The following PRRC2B variants were observed in gnomAD, a reference collection of about 807,000 sequenced individuals.
PRRC2B encodes proline rich coiled-coil 2B.
Under a neutral mutation model 242.3 loss-of-function variants are expected in PRRC2B, and 68 were observed. The observed-to-expected ratio is 0.28, with a 90% CI of 0.23 to 0.34. The LOEUF (loss-of-function observed/expected upper bound fraction) is 0.34, where lower values mean the gene tolerates loss of function less well. Ranked by LOEUF, PRRC2B falls within the 10% of genes least tolerant of loss-of-function variation. PRRC2B has a pLI of 1.00. For synonymous variants in PRRC2B, 1,228 were observed against 1,173.6 expected (o/e 1.05, Z -0.95); for missense variants, 2,835 against 2,954.8 (o/e 0.96, Z 0.94).
In PRRC2B at chr9:131,473,542, C is replaced by T. The variant is rs1220251560; in HGVS notation, c.2142C>T (p.Leu714=). ...AGCCCATGATGCCCCAGGAGTCCCT[C>T]AATGGGACAGGCTGTCGCTCTGAGG... ...LMKPMMPQES[L]NGTGCRSEDQ... The change falls in exon 15 of 32, where the codon CTC becomes CTT. Residue 714 remains leucine, a synonymous_variant. Transcript: ENST00000683519. The T allele has an allele frequency of 1.2e-6, 2 of 1,608,228 alleles. No homozygotes were observed. Among genetic ancestry groups the T allele is most frequent in the Non-Finnish European group, 1.7e-6 (2 of 1,177,400 alleles).
In PRRC2B at chr9:131,477,754, G is replaced by A. The variant is rs192404714; in HGVS notation, c.4417G>A (p.Glu1473Lys). Residue 1473 changes from glutamate (E) to lysine (K), a missense_variant, in exon 17 of 32, where the codon GAG becomes AAG. Physicochemically the swap from Glu to Lys is moderately conservative, Grantham distance 56 (BLOSUM62 1). Coordinates refer to ENST00000683519, the MANE Select transcript of PRRC2B (RefSeq NM_013318.4). The stretch of plus-strand genomic sequence containing the variant: ...CTCTTTCCCTTACAGATCCCCAGAC[G>A]AGGCCTTGCCTGGAGGTCTTAGTGG... ...TPLKVKRSPDEALPGGLSGCS... is the reference protein window; with the variant it reads ...TPLKVKRSPDKALPGGLSGCS... The A allele has an allele frequency of 2.5e-3, 3,995 of 1,601,892 alleles. 11 individuals are homozygous for A. The highest frequency in any genetic ancestry group is 3.2e-3 in the Non-Finnish European group (3,730 of 1,172,982).
intron 1 of PRRC2B, among the ~76,000 whole-genome samples, chr9:131,429,753 T>G (rs1838073189): frequency 1.3e-5 from 2 of 152,188 alleles, no homozygotes; most frequent in African/African-American, 4.8e-5. Context: ...GAGCTGTCCT[T>G]GACTTGGAGA....
intron 1 of PRRC2B, among the ~76,000 whole-genome samples, chr9:131,384,329 C>T (rs1836801903): frequency 1.3e-5 from 2 of 151,744 alleles, no homozygotes; most frequent in Non-Finnish European, 2.9e-5. Flanking sequence ...GTCACCCAGG[C>T]TTAAGTGTGG....
chr9:131,424,584 G>T (rs1044656616), intron 1 of PRRC2B, among the ~76,000 whole-genome samples: 1 of 152,120 alleles, frequency 6.6e-6, no homozygotes, highest in Non-Finnish European at 1.5e-5. Context: ...TACTCGGGAG[G>T]CTGAGGCTGG....
chr9:131,464,130 C>T (rs189110587), intron 11 of PRRC2B, among the ~76,000 whole-genome samples: 1,539 of 152,114 alleles, frequency 0.01, 23 homozygotes, highest in Middle Eastern at 0.014. Flanking sequence ...TTAGTAGAGA[C>T]GGTGTTTCAC....
In PRRC2B at chr9:131,481,755, T is replaced by G. The variant is rs748563925; in HGVS notation, c.4930T>G (p.Ser1644Ala). ...CCCTGTGCAGGCCCCAGCCAACGAC[T>G]CCTGGAGGAAAGCTGTCACTGCCTT... Reference protein sequence around the residue: ...ALPVQAPANDSWRKAVTAFSS... With the variant: ...ALPVQAPANDAWRKAVTAFSS... The change falls in exon 20 of 32, where the codon TCC (serine) becomes GCC (alanine). Residue 1644 changes from serine (S) to alanine (A), a missense_variant. Ser to Ala is a moderately conservative substitution (Grantham distance 99). Around this residue, in one of 7 missense-constraint regions of PRRC2B, gnomAD observed 1,536 missense variants for 1,483.1 expected, o/e 1.04. Coordinates refer to ENST00000683519, the MANE Select transcript of PRRC2B (RefSeq NM_013318.4). The G allele has an allele frequency of 1.3e-6, 2 of 1,566,446 alleles. No individual in the cohort carries two copies. The highest frequency in any genetic ancestry group is 1.7e-6 in the Non-Finnish European group (2 of 1,156,446).
rs183948005 is a variant in PRRC2B, at chr9:131,466,825, G to A, written c.1721-738G>A. On this transcript the variant is annotated intron_variant, in intron 12 of 31. Coordinates refer to ENST00000683519, the MANE Select transcript of PRRC2B (RefSeq NM_013318.4). ...TTTTTTTCTTTTTTTTTTTGGAGACGGATTCTCACTCTGTCGCCCAGGCTG... is the reference window on the plus strand; with the variant it reads ...TTTTTTTCTTTTTTTTTTTGGAGACAGATTCTCACTCTGTCGCCCAGGCTG... Among the ~76,000 whole-genome samples, 406 of 149,194 alleles carry A rather than the reference G, an allele frequency of 2.7e-3. 5 individuals carry two copies. The Middle Eastern group carries it at 0.029, about 10-fold the overall frequency.
intron 9 of PRRC2B, among the ~76,000 whole-genome samples, 179 bp from the exon 10 acceptor site, chr9:131,454,890 TCGCAAAG>T (rs1943026020): frequency 2.0e-5 from 3 of 149,242 alleles, no homozygotes; most frequent in Admixed American, 2.0e-4. Context: ...CACCTCAGCC[TCGCAAAG>T]TACTGGGATT....
chr9:131,479,460 G>C, intron 19 of PRRC2B, 67 bp downstream of exon 19: 1 of 1,502,976 alleles, frequency 6.7e-7, no homozygotes, highest in East Asian at 2.3e-5. Flanking sequence ...GTTTGCTTCT[G>C]GGGAGGATCC....
chr9:131,448,543 C>CAAAAAAAAAAAAAAAAAACAAAAA lies in PRRC2B; in HGVS notation c.1120+757_1120+758insCAAAAAAAAAAAAAAAAAAAAAAA, dbSNP rs1838885117. Among the ~76,000 whole-genome samples, 4 of 39,874 alleles carry CAAAAAAAAAAAAAAAAAACAAAAA rather than the reference C, an allele frequency of 1.0e-4. 1 individual carries two copies. The highest frequency in any genetic ancestry group is 1.6e-4 in the Non-Finnish European group (3 of 18,710). 26.2% of individuals were successfully genotyped at this position (39,874 alleles called of 152,430 possible). On this transcript the variant is annotated intron_variant, in intron 9 of 31. Coordinates refer to ENST00000683519, the MANE Select transcript of PRRC2B (RefSeq NM_013318.4). ...TGGGCGACAGAGGGAGACACTGTCT[C>CAAAAAAAAAAAAAAAAAACAAAAA]AAAAAAAAAAAAAAAAAAAAAAAAA... is the stretch of plus-strand genomic sequence containing the variant.
chr9:131,479,872 A>C (rs1255686386), intron 19 of PRRC2B, among the ~76,000 whole-genome samples: 1 of 152,196 alleles, frequency 6.6e-6, no homozygotes, highest in Non-Finnish European at 1.5e-5. Context: ...AACTGAGACC[A>C]GAAGACGGTA....
intron 1 of PRRC2B, among the ~76,000 whole-genome samples, chr9:131,420,473 C>T (rs922831230): frequency 1.6e-4 from 2 of 12,610 alleles, no homozygotes; most frequent in African/African-American, 3.6e-4. Flanking sequence ...TTCTTTCTTT[C>T]TTTCTTTCTT....
intron 11 of PRRC2B, among the ~76,000 whole-genome samples, chr9:131,459,966 T>A (rs1943194570): frequency 2.2e-5 from 1 of 44,536 alleles, no homozygotes; most frequent in Non-Finnish European, 4.2e-5. Flanking sequence ...TGAAACCCTA[T>A]CTCCAAAAAA....
In PRRC2B at chr9:131,481,749, A is replaced by C; in HGVS notation, c.4924A>C (p.Asn1642His). The change falls in exon 20 of 32, where the codon AAC becomes CAC. Residue 1642 changes from asparagine (N) to histidine (H), a missense_variant. Physicochemically the swap from Asn to His is moderately conservative, Grantham distance 68 (BLOSUM62 1). Transcript: ENST00000683519. Reference sequence around the variant, plus strand: ...AGCTCTCCCTGTGCAGGCCCCAGCCAACGACTCCTGGAGGAAAGCTGTCAC... The same window carrying C: ...AGCTCTCCCTGTGCAGGCCCCAGCCCACGACTCCTGGAGGAAAGCTGTCAC... The part of the protein sequence containing the change: ...SQALPVQAPA[N>H]DSWRKAVTAF... 1 of 1,565,942 alleles carries C rather than the reference A, an allele frequency of 6.4e-7. No homozygotes were observed. The highest frequency in any genetic ancestry group is 8.7e-7 in the Non-Finnish European group (1 of 1,156,036).
In PRRC2B at chr9:131,477,963, A is replaced by C; in HGVS notation, c.4612+14A>C. On this transcript the variant is annotated intron_variant, in intron 17 of 31. Coordinates refer to ENST00000683519, the MANE Select transcript of PRRC2B (RefSeq NM_013318.4). ...TGAACTATGGAAGTAAGTCATCCTC[A>C]TATCTTCAGGGGAAAGAACTCAGGC... 6.2e-7 allele frequency: 1 copy of C among 1,610,578 alleles called. No homozygotes were observed. The highest frequency in any genetic ancestry group is 8.5e-7 in the Non-Finnish European group (1 of 1,176,946).
chr9:131,382,750 A>C (rs1836777330), intron 1 of PRRC2B, among the ~76,000 whole-genome samples: 1 of 151,514 alleles, frequency 6.6e-6, no homozygotes, highest in South Asian at 2.1e-4. Context: ...GCTCAAGCGA[A>C]TCTCCTGCCT....
chr9:131,374,299 A>G (rs1239894294), intron 1 of PRRC2B, among the ~76,000 whole-genome samples: 3 of 152,070 alleles, frequency 2.0e-5, no homozygotes, highest in Non-Finnish European at 2.9e-5. Flanking sequence ...CGCCCAGCGG[A>G]GACTCTGTCT....
At chr9:131,483,226 A>T in intron 22 of PRRC2B, 133 bp from the exon 23 acceptor site, 1 of 860,438 alleles carries the variant, frequency 1.2e-6, no homozygotes, top group Non-Finnish European at 1.9e-6. Flanking sequence ...CATCTCGCTC[A>T]TATGTGGCTC....
chr9:131,425,939 G>T lies in PRRC2B; in HGVS notation c.-51-4155G>T, dbSNP rs150597338. 2.5e-3 allele frequency among the ~76,000 whole-genome samples: 382 copies of T among 151,806 alleles called. 2 individuals are homozygous for T. Among genetic ancestry groups the T allele is most frequent in the African/African-American group, 7.1e-3 (295 of 41,404 alleles). ...CAGGTGAATCGCTTGAACCTAGGAGGCAGAGGTTGCAGTGAGCCGAGATCA... is the reference window on the plus strand; with the variant it reads ...CAGGTGAATCGCTTGAACCTAGGAGTCAGAGGTTGCAGTGAGCCGAGATCA... On this transcript the variant is annotated intron_variant, in intron 1 of 31. Transcript: ENST00000683519.
Sources: gnomAD v4.1 joint callset for allele counts (sites outside exome capture counted in the v4.1 genomes callset) on GRCh38, gnomAD v4.1.1 for gene constraint, gnomAD v4.1.1 regional missense constraint, MANE v1.5 for transcripts, NCBI Gene and HGNC (gene_info 2026-07-23, HGNC 2026-07-21) for gene names.